The following NAAA variants were observed in gnomAD, a reference collection of about 807,000 sequenced individuals.
NAAA encodes N-acylethanolamine acid amidase, also known as N-acylethanolamine-hydrolyzing acid amidase.
Under a neutral mutation model 44.8 loss-of-function variants are expected in NAAA, and 39 were observed. That is an observed-to-expected ratio of 0.87 (90% CI 0.67 to 1.14). NAAA has a LOEUF of 1.14. Ranked by LOEUF, NAAA falls within the 50% of genes most tolerant of loss-of-function variation. The pLI is 0.00. For missense variants in NAAA, 460 were observed against 467.8 expected (o/e 0.98, Z 0.15); for synonymous variants, 178 against 191.3 (o/e 0.93, Z 0.58).
intron 3 of NAAA, among the ~76,000 whole-genome samples, chr4:75,934,660 G>T (rs543491857): frequency 6.6e-6 from 1 of 152,210 alleles, no homozygotes; most frequent in South Asian, 2.1e-4. Context: ...CACTAGACAA[G>T]AATGAGAGAT....
chr4:75,930,273 C>T (rs1727111272), intron 4 of NAAA, among the ~76,000 whole-genome samples: 1 of 152,132 alleles, frequency 6.6e-6, no homozygotes, highest in South Asian at 2.1e-4. Flanking sequence ...TTCCCACATA[C>T]TGTGGAACTA....
At chr4:75,928,320 G>A (rs994644348) in intron 4 of NAAA, among the ~76,000 whole-genome samples, 14 of 152,160 alleles carry the variant, frequency 9.2e-5, no homozygotes, top group African/African-American at 3.4e-4. Flanking sequence ...TAGTAGCAAG[G>A]AGATCAGGTG....
At chr4:75,940,219 G>T in intron 1 of NAAA, 54 bp from the exon 2 acceptor site, 6 of 1,574,042 alleles carry the variant, frequency 3.8e-6, no homozygotes, top group Non-Finnish European at 5.2e-6. Context: ...GGCGGCGTGC[G>T]ACTGCGTGTG....
rs1415005376 is a variant in NAAA at position 75,940,998 on chromosome 4, A to G, written c.-49T>C. 1 of 1,420,082 alleles carries G rather than the reference A, an allele frequency of 7.0e-7. No individual in the cohort carries two copies. Among genetic ancestry groups the G allele is most frequent in the South Asian group, 1.5e-5 (1 of 66,922 alleles). The allele number at this position is 1,420,082 out of a possible 1,614,324, so 88.0% of individuals were successfully genotyped here. ...CTTGGAGACCTGCAGCCGCTGTCGG[A>G]GCCCGGGTAAGCCGTGGAGGAGGAG... On this transcript the variant is annotated 5_prime_UTR_variant, in exon 1 of 11. Coordinates refer to ENST00000286733, the MANE Select transcript of NAAA (RefSeq NM_014435.4).
intron 2 of NAAA, among the ~76,000 whole-genome samples, chr4:75,936,837 G>A (rs1277330941): frequency 1.3e-5 from 2 of 152,180 alleles, no homozygotes; most frequent in South Asian, 2.1e-4. Context: ...AGAAAAAGAG[G>A]AGGAGGCTTG....
At chr4:75,939,835 G>A (rs1578094470) in intron 2 of NAAA, 166 bp downstream of exon 2, 2 of 696,100 alleles carry the variant, frequency 2.9e-6, no homozygotes, top group East Asian at 5.5e-5. Flanking sequence ...AGCCTACGAT[G>A]TGCAGCTCAG....
intron 2 of NAAA, 199 bp downstream of exon 2, chr4:75,939,802 G>T (rs1244897810): frequency 3.4e-6 from 2 of 595,716 alleles, no homozygotes; most frequent in African/African-American, 1.9e-5. Context: ...GTGTTGAATC[G>T]GAGAATCTGC....
downstream of NAAA, among the ~76,000 whole-genome samples, chr4:75,911,897 G>A (rs1186795223): frequency 6.6e-6 from 1 of 152,178 alleles, no homozygotes; most frequent in Non-Finnish European, 1.5e-5. Flanking sequence ...GCAGAGGTTA[G>A]TCTGAGGGTG....
intron 4 of NAAA, among the ~76,000 whole-genome samples, chr4:75,926,287 G>A (rs112901421): frequency 2.6e-5 from 4 of 152,106 alleles, no homozygotes; most frequent in African/African-American, 4.8e-5. Flanking sequence ...TTAGCCAGGT[G>A]TGGTGACTCA....
downstream of NAAA, among the ~76,000 whole-genome samples, chr4:75,911,634 G>A (rs1355508975): frequency 6.6e-6 from 1 of 152,176 alleles, no homozygotes; most frequent in African/African-American, 2.4e-5. Flanking sequence ...AGGTCCTGGT[G>A]GGGTCCAGTG....
In NAAA at chr4:75,925,831, T is replaced by C. The variant is rs2149262565; in HGVS notation, c.590-20A>G. Reference sequence around the variant, plus strand: ...CTTTATCTGCCAAGTTGAGTATATATGTTATATATGTGTGTGTATATATGT... The same window carrying C: ...CTTTATCTGCCAAGTTGAGTATATACGTTATATATGTGTGTGTATATATGT... On this transcript the variant is annotated intron_variant, in intron 4 of 10. Coordinates refer to ENST00000286733, the MANE Select transcript of NAAA (RefSeq NM_014435.4). 1 of 1,608,780 alleles carries C rather than the reference T, an allele frequency of 6.2e-7. No homozygotes were observed. Among genetic ancestry groups the C allele is most frequent in the Non-Finnish European group, 8.5e-7 (1 of 1,175,096 alleles).
intron 3 of NAAA, chr4:75,935,867 A>C: frequency 1.7e-6 from 1 of 583,654 alleles, no homozygotes; most frequent in Non-Finnish European, 3.0e-6. Context: ...TCTCTAAAAG[A>C]GATTTCCCTA....
chr4:75,920,622 G>A, intron 7 of NAAA, 116 bp downstream of exon 7: 1 of 1,292,190 alleles, frequency 7.7e-7, no homozygotes, highest in Non-Finnish European at 1.1e-6. Context: ...AGGGGCTCAG[G>A]TACATTTTCT....
At chr4:75,938,313 G>GA (rs1727910770) in intron 2 of NAAA, among the ~76,000 whole-genome samples, 1 of 152,206 alleles carries the variant, frequency 6.6e-6, no homozygotes. Context: ...CCAAAAGTTA[G>GA]AATGTTTTTA....
chr4:75,915,556 T>A (rs1725557096), intron 9 of NAAA, among the ~76,000 whole-genome samples: 1 of 152,074 alleles, frequency 6.6e-6, no homozygotes, highest in African/African-American at 2.4e-5. Context: ...CAGGAGAATA[T>A]CACCCAGGGA....
In NAAA at chr4:75,913,768, G is replaced by C; in HGVS notation, c.*607C>G. On this transcript the variant is annotated 3_prime_UTR_variant, in exon 11 of 11. Transcript: ENST00000286733. The stretch of plus-strand genomic sequence containing the variant: ...GGTTGCATATTATTTTCAAAAAGCA[G>C]TAAGAAAGTAGCTATTGAGAAAGAA... The C allele has an allele frequency of 1.0e-6, 1 of 983,074 alleles. No individual in the cohort carries two copies. Among genetic ancestry groups the C allele is most frequent in the Non-Finnish European group, 1.2e-6 (1 of 827,894 alleles). 60.9% of individuals were successfully genotyped at this position (983,074 alleles called of 1,614,324 possible).
chr4:75,939,561 G>C (rs898841186), intron 2 of NAAA, among the ~76,000 whole-genome samples: 1 of 151,642 alleles, frequency 6.6e-6, no homozygotes, highest in Admixed American at 6.6e-5. Context: ...GATTACAGGC[G>C]CCCACCACCA....
chr4:75,934,540 GC>G (rs1391243630), intron 3 of NAAA, among the ~76,000 whole-genome samples: 1 of 150,914 alleles, frequency 6.6e-6, no homozygotes, highest in Non-Finnish European at 1.5e-5. Flanking sequence ...CATTGGCCAG[GC>G]TGGTCTTGAA....
intron 2 of NAAA, among the ~76,000 whole-genome samples, chr4:75,937,342 C>T (rs1370937942): frequency 6.6e-6 from 1 of 152,194 alleles, no homozygotes; most frequent in Non-Finnish European, 1.5e-5. Flanking sequence ...TCGCTTGAAC[C>T]AGGGAGGCGG....
Sources: allele counts gnomAD v4.1 joint callset (sites outside exome capture counted in the v4.1 genomes callset), GRCh38; gene constraint gnomAD v4.1.1; transcripts MANE v1.5; gene names NCBI Gene and HGNC (gene_info 2026-07-23, HGNC 2026-07-21).